Variants in ESRP1 observed in about 807,000 individuals in gnomAD.
The protein encoded by ESRP1 is RNA-binding motif protein 35A.
In ESRP1, 33 loss-of-function variants were observed where a neutral mutation model predicts 81.7. That is an observed-to-expected ratio of 0.40 (90% CI 0.31 to 0.54). The LOEUF (loss-of-function observed/expected upper bound fraction) is 0.54. Ranked by LOEUF, ESRP1 falls within the 20% of genes least tolerant of loss-of-function variation. The pLI is 0.41. For missense variants in ESRP1, 672 were observed against 833.1 expected (o/e 0.81, Z 2.38); for synonymous variants, 320 against 303.3 (o/e 1.06, Z -0.57).
chr8:94,658,384 G>C (rs1221884704), intron 4 of ESRP1, among the ~76,000 whole-genome samples: 2 of 152,224 alleles, frequency 1.3e-5, no homozygotes, highest in African/African-American at 2.4e-5. Context: ...GGTGGAAAGA[G>C]ATCAGAGGAA....
chr8:94,641,883 G>T (rs1036929800), intron 1 of ESRP1, 73 bp from the exon 2 acceptor site: 1 of 1,582,188 alleles, frequency 6.3e-7, no homozygotes, highest in African/African-American at 1.3e-5. Context: ...CCCAGCAGGG[G>T]AGCGAGGGAG....
intron 3 of ESRP1, among the ~76,000 whole-genome samples, chr8:94,644,727 C>T (rs1256655624): frequency 1.3e-5 from 2 of 152,118 alleles, no homozygotes; most frequent in Admixed American, 6.5e-5. Flanking sequence ...AAGACTTTTT[C>T]CTCAGCCACA....
intron 6 of ESRP1, among the ~76,000 whole-genome samples, chr8:94,664,051 A>G (rs1818888915): frequency 6.6e-6 from 1 of 151,860 alleles, no homozygotes. Flanking sequence ...TTGAGAATGA[A>G]TTCAAACCTA....
At chr8:94,674,631 C>T in intron 12 of ESRP1, 125 bp downstream of exon 12, 3 of 781,450 alleles carry the variant, frequency 3.8e-6, no homozygotes, top group South Asian at 2.0e-5. Context: ...TAAGGCTCTC[C>T]CATCTGTAAT....
In ESRP1 at chr8:94,678,189, CTT is replaced by C; in HGVS notation, c.1652-12_1652-11del. 1 of 1,613,178 alleles carries C rather than the reference CTT, an allele frequency of 6.2e-7. No homozygotes were observed. The highest frequency in any genetic ancestry group is 8.5e-7 in the Non-Finnish European group (1 of 1,179,472). On this transcript the variant is annotated splice_polypyrimidine_tract_variant and intron_variant, in intron 12 of 15. Coordinates refer to ENST00000433389, the MANE Select transcript of ESRP1 (RefSeq NM_017697.4). ...TACAAATATGTCTCAAAGAATCTCTCTTTGCATATCTAGGCCTGTCTCCTCCC... is the reference window on the plus strand; with the variant it reads ...TACAAATATGTCTCAAAGAATCTCTCTGCATATCTAGGCCTGTCTCCTCCC...
At chr8:94,668,936 C>A (rs1286629806) in intron 10 of ESRP1, among the ~76,000 whole-genome samples, 1 of 152,112 alleles carries the variant, frequency 6.6e-6, no homozygotes, top group Non-Finnish European at 1.5e-5. Context: ...GGCATTACAG[C>A]TGCCTGCCAC....
intron 4 of ESRP1, among the ~76,000 whole-genome samples, chr8:94,647,685 C>G (rs965525808): frequency 2.0e-5 from 3 of 152,168 alleles, no homozygotes; most frequent in Non-Finnish European, 4.4e-5. Context: ...TGGGCTTCAA[C>G]ATAGGACTTT....
intron 4 of ESRP1, among the ~76,000 whole-genome samples, chr8:94,651,903 A>G (rs930669937): frequency 6.7e-6 from 1 of 149,510 alleles, no homozygotes; most frequent in Non-Finnish European, 1.5e-5. Context: ...GAGCCGCCAC[A>G]CTTGACCAGG....
rs57801249 is a variant in ESRP1, at chr8:94,705,156, CTTTTTTTTTTTT to C, written c.*36-751_*36-740del. On this transcript the variant is annotated intron_variant, in intron 15 of 15. Transcript: ENST00000433389. ...TTTGCTGTTATGTCATGCCTTATTG[CTTTTTTTTTTTT>C]TTTTTTTTTTTTTTTTTGAGACAGA... Among the ~76,000 whole-genome samples the C allele has an allele frequency of 1.8e-3, 166 of 90,520 alleles. 1 individual carries two copies. The highest frequency in any genetic ancestry group is 2.9e-3 in the African/African-American group (65 of 22,784). 59.4% of individuals were successfully genotyped at this position (90,520 alleles called of 152,430 possible). A position where few individuals can be genotyped will look rare whatever the true frequency, so the allele number is the denominator to read the frequency against.
chr8:94,647,413 G>A (rs1427595088), intron 4 of ESRP1, among the ~76,000 whole-genome samples: 2 of 152,298 alleles, frequency 1.3e-5, no homozygotes, highest in East Asian at 3.9e-4. Flanking sequence ...AAATACCATA[G>A]ACCACGGAGC....
chr8:94,668,454 C>A, intron 10 of ESRP1: 1 of 423,294 alleles, frequency 2.4e-6, no homozygotes, highest in South Asian at 6.1e-5. Context: ...CGTATTTTTA[C>A]AGAAATGGGA....
intron 15 of ESRP1, among the ~76,000 whole-genome samples, chr8:94,697,163 G>T (rs557845779): frequency 6.6e-6 from 1 of 152,226 alleles, no homozygotes; most frequent in African/African-American, 2.4e-5. Flanking sequence ...GATGAGAGTT[G>T]TTTGTTACTG....
chr8:94,674,490 G>A lies in ESRP1; in HGVS notation c.1635G>A (p.Pro545=), dbSNP rs369140603. The change falls in exon 12 of 16, where the codon CCG becomes CCA. Residue 545 remains proline (P), a synonymous_variant. Transcript: ENST00000433389. The part of the protein sequence containing the change: ...GTLNRNGLSP[P]PCKLPCLSPP... ...TAAATCGAAATGGCTTATCCCCACC[G>A]CCATGTAAGTTACCATGTAAGTTTT... 2.0e-5 allele frequency: 33 copies of A among 1,612,656 alleles called. No homozygotes were observed. The highest frequency in any genetic ancestry group is 3.4e-5 in the Admixed American group (2 of 59,634).
At chr8:94,700,529 G>A (rs1809780161) in intron 15 of ESRP1, among the ~76,000 whole-genome samples, 2 of 152,224 alleles carry the variant, frequency 1.3e-5, no homozygotes, top group Admixed American at 6.5e-5. Context: ...CACTGACACA[G>A]TTTCTCATTC....
chr8:94,641,853 C>T lies in ESRP1; in HGVS notation c.133-103C>T. 9 of 1,533,286 alleles carry T rather than the reference C, an allele frequency of 5.9e-6. No homozygotes were observed. In the South Asian group the frequency reaches 8.8e-5, roughly 15 times the overall value. 95.0% of individuals were successfully genotyped at this position (1,533,286 alleles called of 1,614,324 possible). On this transcript the variant is annotated intron_variant, in intron 1 of 15. Coordinates refer to ENST00000433389, the MANE Select transcript of ESRP1 (RefSeq NM_017697.4). ...AGAGCTTTGATTCTGCGTCCGGACC[C>T]CAAGAGAGGCGCGGGCCGCCCCAGC...
Position 94,641,181 on chromosome 8 carries a change from A to C in ESRP1, c.-138A>C. ...TGGGTGGTTGGTTACCGCCTTTTGC[A>C]CTAGCAGTAGCAAGGAAGGGGGGTG... On this transcript the variant is annotated 5_prime_UTR_variant, in exon 1 of 16. Coordinates refer to ENST00000433389, the MANE Select transcript of ESRP1 (RefSeq NM_017697.4). 2.4e-6 allele frequency: 2 copies of C among 829,314 alleles called. No homozygotes were observed. The highest frequency in any genetic ancestry group is 3.7e-6 in the Non-Finnish European group (2 of 545,834). 51.4% of individuals were successfully genotyped at this position (829,314 alleles called of 1,614,324 possible). A position where few individuals can be genotyped will look rare whatever the true frequency, so the allele number is the denominator to read the frequency against.
intron 12 of ESRP1, among the ~76,000 whole-genome samples, chr8:94,675,678 T>G (rs1391205603): frequency 6.6e-6 from 1 of 152,236 alleles, no homozygotes; most frequent in African/African-American, 2.4e-5. Flanking sequence ...AGTGATAATC[T>G]GTCAAACATT....
chr8:94,641,288 A>ACCCCCCC lies in ESRP1; in HGVS notation c.-30_-24dup. 1 of 1,030,376 alleles carries ACCCCCCC rather than the reference A, an allele frequency of 9.7e-7. No individual in the cohort carries two copies. Among genetic ancestry groups the ACCCCCCC allele is most frequent in the Admixed American group, 1.8e-5 (1 of 55,172 alleles). The allele number at this position is 1,030,376 out of a possible 1,614,324, so 63.8% of individuals were successfully genotyped here. A position where few individuals can be genotyped will look rare whatever the true frequency, so the allele number is the denominator to read the frequency against. On this transcript the variant is annotated 5_prime_UTR_variant, in exon 1 of 16. Transcript: ENST00000433389. ...TTCCACACCACCTTACCGCCTCCCG[A>ACCCCCCC]CCCCCCCTCTCCCCCTCCCCACCTA... is the stretch of plus-strand genomic sequence containing the variant.
intron 4 of ESRP1, among the ~76,000 whole-genome samples, chr8:94,651,065 A>C (rs774803037): frequency 6.6e-6 from 1 of 152,012 alleles, no homozygotes; most frequent in Non-Finnish European, 1.5e-5. Flanking sequence ...ATATGGGAAG[A>C]GTGTCATTTT....
Sources: allele counts gnomAD v4.1 joint callset (sites outside exome capture counted in the v4.1 genomes callset), GRCh38; gene constraint gnomAD v4.1.1; transcripts MANE v1.5; gene names NCBI Gene and HGNC (gene_info 2026-07-23, HGNC 2026-07-21).